ZFYVE28: variants seen among roughly 807,000 people sequenced by gnomAD.
ZFYVE28 encodes lateral signaling target protein 2 homolog.
ZFYVE28 carries 40 observed loss-of-function variants against 82.1 expected under a neutral mutation model. That is an observed-to-expected ratio of 0.49 (90% confidence interval 0.38 to 0.63). ZFYVE28 has a LOEUF of 0.63. Ranked by LOEUF, ZFYVE28 falls within the 30% of genes least tolerant of loss-of-function variation. The pLI is 0.00. For synonymous variants in ZFYVE28, 612 were observed against 546.1 expected, an observed-to-expected ratio of 1.12 and a Z score of -1.68; for missense variants, 1,321 against 1,242.1, an observed-to-expected ratio of 1.06 and a Z score of -0.96.
At chr4:2,366,647 CGCA>C (rs1726921951) in intron 1 of ZFYVE28, among the ~76,000 whole-genome samples, 1 of 152,242 alleles carries the variant, frequency 6.6e-6, no homozygotes, top group Non-Finnish European at 1.5e-5. Flanking sequence ...TAGAGTTCCA[CGCA>C]GCTAGAGGCC....
intron 6 of ZFYVE28, among the ~76,000 whole-genome samples, chr4:2,333,205 TGCTGCCCTTCCCTGACCCCCC>T (rs1721001306): frequency 6.5e-5 from 2 of 30,984 alleles, no homozygotes; most frequent in African/African-American, 3.3e-4. Context: ...TGGCCTCCCC[TGCTGCCCTTCCCTGACCCCCC>T]CTGCTGCCCT....
chr4:2,366,016 C>T (rs925323376), intron 1 of ZFYVE28, among the ~76,000 whole-genome samples: 17 of 152,170 alleles, frequency 1.1e-4, no homozygotes, highest in African/African-American at 3.6e-4. Flanking sequence ...AAGATACAGC[C>T]GGCCTCACTG....
chr4:2,290,920 C>G, intron 8 of ZFYVE28, among the ~76,000 whole-genome samples: 1 of 152,218 alleles, frequency 6.6e-6, no homozygotes, highest in East Asian at 1.9e-4. Context: ...TGAAAAGATC[C>G]CACTATTATT....
chr4:2,390,749 G>A lies in ZFYVE28; in HGVS notation c.39+27536C>T, dbSNP rs373526380. On this transcript the variant is annotated intron_variant, in intron 1 of 12. Transcript: ENST00000290974. ...AGTTTACGTTTAGTTTATGATAAGC[G>A]TGTATTGCATTTTTAGACGTTACTA... is the stretch of plus-strand genomic sequence containing the variant. Among the ~76,000 whole-genome samples, 154 of 152,328 alleles carry A rather than the reference G, an allele frequency of 1.0e-3. 1 individual carries two copies. The highest frequency in any genetic ancestry group is 2.7e-3 in the Admixed American group (41 of 15,296).
intron 7 of ZFYVE28, among the ~76,000 whole-genome samples, chr4:2,308,680 AAAG>A (rs1227672033): frequency 1.6e-4 from 10 of 63,824 alleles, no homozygotes; most frequent in African/African-American, 6.9e-4. Context: ...AAAGAAAGAG[AAAG>A]AAAGAAAAGA....
Position 2,339,434 on chromosome 4 carries a change from G to A in ZFYVE28, c.521+19C>T. 6.2e-7 allele frequency: 1 copy of A among 1,611,558 alleles called. No individual in the cohort carries two copies. Among genetic ancestry groups the A allele is most frequent in the Non-Finnish European group, 8.5e-7 (1 of 1,179,050 alleles). On this transcript the variant is annotated intron_variant, in intron 4 of 12. Transcript: ENST00000290974. The surrounding 1 kb of genome is among the most constrained non-coding windows in gnomAD (Gnocchi z 5.0). Reference sequence around the variant, plus strand: ...CCCCAGCTCATACAGCCAGGGCTGTGGACCCACAGCTGCAGTACCTGAGCT... The same window carrying A: ...CCCCAGCTCATACAGCCAGGGCTGTAGACCCACAGCTGCAGTACCTGAGCT...
chr4:2,372,938 C>T lies in ZFYVE28; in HGVS notation c.40-18865G>A, dbSNP rs370901276. Reference sequence around the variant, plus strand: ...CTTGGACGACTAGGGAGGGAAAAACCACCGCATGCCCACCAGAAGACCACC... The same window carrying T: ...CTTGGACGACTAGGGAGGGAAAAACTACCGCATGCCCACCAGAAGACCACC... On this transcript the variant is annotated intron_variant, in intron 1 of 12. Coordinates refer to ENST00000290974, the MANE Select transcript of ZFYVE28 (RefSeq NM_020972.3). This position sits in a 1 kb window ranked among gnomAD's most constrained non-coding sequence, Gnocchi z 5.2. Among the ~76,000 whole-genome samples, 8 of 152,128 alleles carry T rather than the reference C, an allele frequency of 5.3e-5. No homozygotes were observed. Among genetic ancestry groups the T allele is most frequent in the African/African-American group, 1.9e-4 (8 of 41,412 alleles).
intron 1 of ZFYVE28, among the ~76,000 whole-genome samples, chr4:2,356,922 AG>A (rs1213275272): frequency 6.6e-6 from 1 of 152,076 alleles, no homozygotes; most frequent in Non-Finnish European, 1.5e-5. Flanking sequence ...TCTGCTGTCC[AG>A]GCTGGAGTAC....
intron 1 of ZFYVE28, among the ~76,000 whole-genome samples, chr4:2,369,061 A>G (rs1193035248): frequency 6.6e-6 from 1 of 152,144 alleles, no homozygotes; most frequent in African/African-American, 2.4e-5. Flanking sequence ...CATTTTCCCA[A>G]TGGCTGATGA....
chr4:2,368,222 A>AAAAAAAAC (rs1727115254), intron 1 of ZFYVE28, among the ~76,000 whole-genome samples: 1 of 150,058 alleles, frequency 6.7e-6, no homozygotes, highest in South Asian at 2.1e-4. Context: ...AAAAAAAAAA[A>AAAAAAAAC]AAAAAAAACA....
intron 7 of ZFYVE28, among the ~76,000 whole-genome samples, chr4:2,319,664 C>T (rs1718756227): frequency 6.6e-6 from 1 of 152,208 alleles, no homozygotes; most frequent in Admixed American, 6.5e-5. Context: ...CCCAGCAAAG[C>T]CCTTGGCCCA....
rs1201084788 is a variant in ZFYVE28, at chr4:2,270,950, G to A, written c.2533-94C>T. 7 of 1,519,322 alleles carry A rather than the reference G, an allele frequency of 4.6e-6. No individual in the cohort carries two copies. In the Admixed American group the frequency reaches 1.4e-4, roughly 30 times the overall value. The allele number at this position is 1,519,322 out of a possible 1,614,324, so 94.1% of individuals were successfully genotyped here. A position where few individuals can be genotyped will look rare whatever the true frequency, so the allele number is the denominator to read the frequency against. ...CCACACACCTACCCACCCAGCTCAG[G>A]CCGCATTGGTGGGTGGGGACTGCCC... On this transcript the variant is annotated intron_variant, in intron 12 of 12. Transcript: ENST00000290974.
rs1040964676 is a variant in ZFYVE28, at chr4:2,409,345, G to T, written c.39+8940C>A. Among the ~76,000 whole-genome samples, 1 of 150,232 alleles carries T rather than the reference G, an allele frequency of 6.7e-6. No homozygotes were observed. Among genetic ancestry groups the T allele is most frequent in the Non-Finnish European group, 1.5e-5 (1 of 67,762 alleles). The stretch of plus-strand genomic sequence containing the variant: ...CCCACCAGTCCCAGCTTCCAATCTC[G>T]TCTCTCCCACAGCAGGCCTGGAAGG... On this transcript the variant is annotated intron_variant, in intron 1 of 12. Coordinates refer to ENST00000290974, the MANE Select transcript of ZFYVE28 (RefSeq NM_020972.3). This position sits in a 1 kb window ranked among gnomAD's most constrained non-coding sequence, Gnocchi z 4.4.
chr4:2,345,043 C>G (rs1723336535), intron 2 of ZFYVE28, among the ~76,000 whole-genome samples: 1 of 151,586 alleles, frequency 6.6e-6, no homozygotes, highest in Admixed American at 6.6e-5. Flanking sequence ...AACCCCGTCT[C>G]TACTAAAAAT....
At chr4:2,330,696 G>A (rs1048413196) in intron 6 of ZFYVE28, 3 of 1,453,308 alleles carry the variant, frequency 2.1e-6, no homozygotes, top group Middle Eastern at 2.5e-4. Context: ...GAGGACACTG[G>A]AGCAGAGGGG....
chr4:2,329,118 G>T, intron 6 of ZFYVE28: 2 of 700,002 alleles, frequency 2.9e-6, no homozygotes, highest in Non-Finnish European at 2.6e-6. Flanking sequence ...AGTTCCACAT[G>T]AATTTTAGAA....
chr4:2,328,443 T>C (rs778002367), intron 6 of ZFYVE28: 3 of 152,046 alleles, frequency 2.0e-5, no homozygotes, highest in Non-Finnish European at 4.4e-5. Flanking sequence ...ACTAGAAGAA[T>C]TTTTTTTCTT....
rs1721498639 is a variant in ZFYVE28 at position 2,335,285 on chromosome 4, T to C, written c.701+420A>G. Among the ~76,000 whole-genome samples, 2 of 151,956 alleles carry C rather than the reference T, an allele frequency of 1.3e-5. 1 individual carries two copies. Among genetic ancestry groups the C allele is most frequent in the Admixed American group, 1.3e-4 (2 of 15,270 alleles). On this transcript the variant is annotated intron_variant, in intron 6 of 12. Coordinates refer to ENST00000290974, the MANE Select transcript of ZFYVE28 (RefSeq NM_020972.3). This position sits in a 1 kb window ranked among gnomAD's most constrained non-coding sequence, Gnocchi z 5.8. Reference sequence around the variant, plus strand: ...TTATTCAAACAAGCCAATCACAGCCTCCTGAGGGACCCGGGGGGCAGCTCG... The same window carrying C: ...TTATTCAAACAAGCCAATCACAGCCCCCTGAGGGACCCGGGGGGCAGCTCG...
In ZFYVE28 at chr4:2,305,540, C is replaced by G. The variant is rs770526146; in HGVS notation, c.804-4G>C. The G allele has an allele frequency of 7.4e-6, 12 of 1,612,774 alleles. No homozygotes were observed. Among genetic ancestry groups the G allele is most frequent in the South Asian group, 1.1e-5 (1 of 91,080 alleles). ...CGTCAGCGTCTGCAGCAAATCCCTA[C>G]GAATCAAGACAAAACCCAAGGGTGA... is the stretch of plus-strand genomic sequence containing the variant. On this transcript the variant is annotated splice_region_variant and splice_polypyrimidine_tract_variant and intron_variant, in intron 7 of 12. Coordinates refer to ENST00000290974, the MANE Select transcript of ZFYVE28 (RefSeq NM_020972.3).
Sources: allele counts gnomAD v4.1 joint callset (sites outside exome capture counted in the v4.1 genomes callset), GRCh38; gene constraint gnomAD v4.1.1; non-coding constraint Gnocchi (gnomAD v3.1); transcripts MANE v1.5; gene names NCBI Gene and HGNC (gene_info 2026-07-23, HGNC 2026-07-21).